Variants in SMYD3 observed in about 807,000 individuals in gnomAD.
The protein encoded by SMYD3 is SET and MYND domain containing 3.
In SMYD3, 36 loss-of-function variants were observed where a neutral mutation model predicts 57.7. The ratio of observed to expected loss-of-function variants is 0.62; its 90% confidence interval spans 0.48 to 0.82. The LOEUF is 0.82. Among genes scored for constraint, SMYD3 ranks in the 40% least tolerant of loss-of-function variants. SMYD3 has a pLI of 0.00. For missense variants in SMYD3, 515 were observed against 538.8 expected (o/e 0.96, Z 0.44); for synonymous variants, 211 against 195.0 (o/e 1.08, Z -0.68).
chr1:246,034,646 TG>T (rs1428731693), intron 5 of SMYD3: 2 of 155,646 alleles, frequency 1.3e-5, no homozygotes, highest in Non-Finnish European at 2.8e-5. Flanking sequence ...TGAGCATGGC[TG>T]GGGGCAAATG....
chr1:246,072,335 C>G (rs1377288111), intron 5 of SMYD3, among the ~76,000 whole-genome samples: 7 of 143,546 alleles, frequency 4.9e-5, no homozygotes, highest in African/African-American at 1.8e-4. Flanking sequence ...ACTGTGCTCA[C>G]TGTCGCTGCA....
intron 10 of SMYD3, among the ~76,000 whole-genome samples, chr1:245,816,496 G>A (rs1198896840): frequency 7.4e-6 from 1 of 135,966 alleles, no homozygotes; most frequent in Non-Finnish European, 1.5e-5. Context: ...CATCTATTAT[G>A]AGAGGTCCCC....
chr1:245,868,481 T>C (rs1398485860), intron 8 of SMYD3, among the ~76,000 whole-genome samples: 1 of 152,136 alleles, frequency 6.6e-6, no homozygotes, highest in Non-Finnish European at 1.5e-5. Context: ...GATCTCGTAT[T>C]CTTCTATCAA....
At chr1:245,923,524 G>A (rs956971037) in intron 7 of SMYD3, among the ~76,000 whole-genome samples, 4 of 152,014 alleles carry the variant, frequency 2.6e-5, no homozygotes, top group East Asian at 1.9e-4. Context: ...AAATTCTTTC[G>A]TCGTCTATTG....
intron 10 of SMYD3, among the ~76,000 whole-genome samples, chr1:245,777,278 A>C (rs1012384498): frequency 8.5e-5 from 13 of 152,244 alleles, no homozygotes; most frequent in African/African-American, 3.1e-4. Context: ...AGACTCTGGT[A>C]ATGATGGTGT....
intron 5 of SMYD3, among the ~76,000 whole-genome samples, chr1:246,236,575 T>G (rs12094623): frequency 6.6e-6 from 1 of 151,890 alleles, no homozygotes; most frequent in Non-Finnish European, 1.5e-5. Context: ...CCACCACGCC[T>G]GGTTAATTTT....
At chr1:246,070,928 A>G (rs2060431608) in intron 5 of SMYD3, among the ~76,000 whole-genome samples, 1 of 152,218 alleles carries the variant, frequency 6.6e-6, no homozygotes, top group African/African-American at 2.4e-5. Flanking sequence ...TAAGTCATTA[A>G]TTGGCAACCA....
intron 1 of SMYD3, among the ~76,000 whole-genome samples, chr1:246,464,123 C>T (rs904425699): frequency 6.6e-5 from 10 of 151,990 alleles, no homozygotes; most frequent in Non-Finnish European, 1.2e-4. Context: ...GTAAGGCAAA[C>T]GGAGAGGGTG....
At chr1:246,038,974 G>A (rs1461519217) in intron 5 of SMYD3, among the ~76,000 whole-genome samples, 1 of 152,072 alleles carries the variant, frequency 6.6e-6, no homozygotes, top group Non-Finnish European at 1.5e-5. Flanking sequence ...GGAAAGGATG[G>A]GAAAAAGAAC....
At chr1:245,983,871 G>A (rs1214066780) in intron 5 of SMYD3, among the ~76,000 whole-genome samples, 2 of 152,170 alleles carry the variant, frequency 1.3e-5, no homozygotes, top group African/African-American at 4.8e-5. Flanking sequence ...AGGAGGAAGA[G>A]TGTAATGAGG....
chr1:246,278,140 G>A (rs940432575), intron 5 of SMYD3, among the ~76,000 whole-genome samples: 15 of 151,964 alleles, frequency 9.9e-5, no homozygotes, highest in African/African-American at 3.1e-4. Context: ...GCCTCAGGTC[G>A]GCCTGGAGGC....
intron 5 of SMYD3, chr1:245,930,222 C>T (rs2056634504): frequency 4.2e-6 from 2 of 470,942 alleles, no homozygotes; most frequent in South Asian, 1.8e-5. Context: ...GTCTCATTAT[C>T]CACTACCCCA....
At chr1:246,506,990 C>CCCCCCCCA in intron 1 of SMYD3, 64 bp downstream of exon 1, 7 of 609,978 alleles carry the variant, frequency 1.1e-5, no homozygotes, top group Non-Finnish European at 1.6e-5. Flanking sequence ...CCGCCCGACG[C>CCCCCCCCA]CCCCCCCTCC....
intron 5 of SMYD3, among the ~76,000 whole-genome samples, chr1:246,191,935 C>T (rs1217846136): frequency 1.3e-5 from 2 of 152,156 alleles, no homozygotes; most frequent in African/African-American, 4.8e-5. Context: ...TCTGATGCAC[C>T]TTGAAGTTTG....
At chr1:246,092,309 C>T (rs2060837226) in intron 5 of SMYD3, among the ~76,000 whole-genome samples, 1 of 152,042 alleles carries the variant, frequency 6.6e-6, no homozygotes, top group Non-Finnish European at 1.5e-5. Flanking sequence ...ACCCAAGACC[C>T]ATCAGAAAAG....
chr1:246,436,906 T>TC (rs2067385881), intron 1 of SMYD3, among the ~76,000 whole-genome samples: 1 of 150,074 alleles, frequency 6.7e-6, no homozygotes, highest in Non-Finnish European at 1.5e-5. Context: ...CTTTCTTTTT[T>TC]TTTTTTTTTT....
intron 5 of SMYD3, among the ~76,000 whole-genome samples, chr1:246,260,668 T>TGATC (rs929422658): frequency 9.2e-5 from 14 of 151,934 alleles, no homozygotes; most frequent in Admixed American, 2.0e-4. Flanking sequence ...CTTGACCTCG[T>TGATC]GATCCACCCG....
intron 10 of SMYD3, among the ~76,000 whole-genome samples, chr1:245,821,658 G>A (rs112984108): frequency 1.3e-5 from 2 of 148,538 alleles, no homozygotes; most frequent in African/African-American, 4.9e-5. Flanking sequence ...CTGACAAAGG[G>A]CTAATATCCA....
In SMYD3 at chr1:246,272,484, T is replaced by C. The variant is rs551406163; in HGVS notation, c.531+54717A>G. Among the ~76,000 whole-genome samples the C allele has an allele frequency of 2.0e-4, 30 of 152,310 alleles. No individual in the cohort carries two copies. The East Asian group carries it at 4.8e-3, about 24-fold the overall frequency. ...CTTATGTGTTCAGTGATTTTTGTCATGAAAGGGTATTGAATTTTGTCAAAA... is the reference window on the plus strand; with the variant it reads ...CTTATGTGTTCAGTGATTTTTGTCACGAAAGGGTATTGAATTTTGTCAAAA... On this transcript the variant is annotated intron_variant, in intron 5 of 11. Transcript: ENST00000490107.
Sources: allele counts gnomAD v4.1 joint callset (sites outside exome capture counted in the v4.1 genomes callset), GRCh38; gene constraint gnomAD v4.1.1; transcripts MANE v1.5; gene names NCBI Gene and HGNC (gene_info 2026-07-23, HGNC 2026-07-21).